Variants in WFDC10B observed in about 807,000 individuals in gnomAD.
The protein encoded by WFDC10B is protein WFDC10B.
In WFDC10B, 1 loss-of-function variant was observed where a neutral mutation model predicts 2.7. That is an observed-to-expected ratio of 0.38 (90% CI 0.13 to 1.79). The LOEUF (loss-of-function observed/expected upper bound fraction) is 1.79, where lower values mean the gene tolerates loss of function less well. Among genes scored for constraint, WFDC10B ranks in the 40% most tolerant of loss-of-function variants. The probability of loss-of-function intolerance (pLI) is 0.33; values close to 1 mark genes in which losing one functional copy is unlikely to be tolerated. For missense variants in WFDC10B, 71 were observed against 87.8 expected, an observed-to-expected ratio of 0.81 and a Z score of 0.76; for synonymous variants, 26 against 32.2, an observed-to-expected ratio of 0.81 and a Z score of 0.65.
At chr20:45,693,724 C>T (rs2073423574) in intron 2 of WFDC10B, among the ~76,000 whole-genome samples, 1 of 152,300 alleles carries the variant, frequency 6.6e-6, no homozygotes, top group East Asian at 1.9e-4. Context: ...TTCCAGGTGC[C>T]GTCTGTCACC....
At chr20:45,689,214 A>G (rs1405236963) in intron 2 of WFDC10B, among the ~76,000 whole-genome samples, 1 of 151,372 alleles carries the variant, frequency 6.6e-6, no homozygotes, top group Non-Finnish European at 1.5e-5. Flanking sequence ...CTGTTTTGGT[A>G]CCAGTACCAT....
At chr20:45,695,422 A>G (rs1416993441) in intron 2 of WFDC10B, among the ~76,000 whole-genome samples, 1 of 152,232 alleles carries the variant, frequency 6.6e-6, no homozygotes, top group Admixed American at 6.5e-5. Context: ...AAACAACACT[A>G]TAAACCTAAG....
At chr20:45,688,872 T>C (rs1366734346) in intron 2 of WFDC10B, among the ~76,000 whole-genome samples, 4 of 152,166 alleles carry the variant, frequency 2.6e-5, no homozygotes, top group African/African-American at 4.8e-5. Context: ...ATTTTGGCTT[T>C]TGTTTCCATT....
chr20:45,704,403 C>G (rs774447836), intron 2 of WFDC10B, 94 bp downstream of exon 2: 18 of 1,586,202 alleles, frequency 1.1e-5, no homozygotes, highest in Non-Finnish European at 1.5e-5. Flanking sequence ...ATTACTCCAG[C>G]CTGTTGGTGA....
chr20:45,693,176 G>C (rs1254921346), intron 2 of WFDC10B, among the ~76,000 whole-genome samples: 5 of 152,162 alleles, frequency 3.3e-5, no homozygotes, highest in Non-Finnish European at 5.9e-5. Flanking sequence ...CTGTCTGATC[G>C]TTCCTCTGGA....
chr20:45,697,619 TGA>T (rs1471184951), intron 2 of WFDC10B, among the ~76,000 whole-genome samples: 1 of 152,114 alleles, frequency 6.6e-6, no homozygotes, highest in African/African-American at 2.4e-5. Context: ...CTCAAAGTGC[TGA>T]GATTATAGGC....
chr20:45,702,857 G>C (rs1322888017), intron 2 of WFDC10B, among the ~76,000 whole-genome samples: 1 of 152,186 alleles, frequency 6.6e-6, no homozygotes, highest in Non-Finnish European at 1.5e-5. Flanking sequence ...GAAAAGAACT[G>C]TTATTCATCA....
Position 45,696,296 on chromosome 20 carries a change from A to C in WFDC10B, c.-65+8201T>G, listed in dbSNP as rs1051204951. Among the ~76,000 whole-genome samples, 12 of 151,622 alleles carry C rather than the reference A, an allele frequency of 7.9e-5. No homozygotes were observed. In the East Asian group the frequency reaches 1.5e-3, roughly 20 times the overall value. On this transcript the variant is annotated intron_variant, in intron 2 of 3. Coordinates refer to ENST00000330523, the MANE Select transcript of WFDC10B (RefSeq NM_172006.2). Reference sequence around the variant, plus strand: ...GCAAGACTCCGTCTCAAAAAAAAAAAAAAAAAAAAAGATCTCAAATCTGCA... The same window carrying C: ...GCAAGACTCCGTCTCAAAAAAAAAACAAAAAAAAAAGATCTCAAATCTGCA...
intron 2 of WFDC10B, among the ~76,000 whole-genome samples, chr20:45,704,256 T>C (rs1984293844): frequency 6.6e-6 from 1 of 152,174 alleles, no homozygotes; most frequent in Admixed American, 6.5e-5. Context: ...AAAATATCCA[T>C]GCCCTGCTTC....
intron 3 of WFDC10B, among the ~76,000 whole-genome samples, chr20:45,685,516 C>A (rs1004362054): frequency 1.3e-5 from 2 of 152,096 alleles, no homozygotes; most frequent in Non-Finnish European, 2.9e-5. Flanking sequence ...CACTTATACC[C>A]ATTTCTACAC....
chr20:45,685,731 G>T (rs982061618), intron 3 of WFDC10B, among the ~76,000 whole-genome samples, 171 bp downstream of exon 3: 33 of 152,210 alleles, frequency 2.2e-4, no homozygotes, highest in Admixed American at 1.4e-3. Context: ...CCAGGGCCAG[G>T]TAAAGGGGTT....
At chr20:45,691,845 T>A (rs1983823324) in intron 2 of WFDC10B, among the ~76,000 whole-genome samples, 1 of 152,232 alleles carries the variant, frequency 6.6e-6, no homozygotes, top group African/African-American at 2.4e-5. Flanking sequence ...CATTTAAAGT[T>A]AGTATTGTTA....
chr20:45,690,790 C>A (rs1275846969), intron 2 of WFDC10B, among the ~76,000 whole-genome samples: 1 of 152,088 alleles, frequency 6.6e-6, no homozygotes, highest in Non-Finnish European at 1.5e-5. Context: ...AAACCAGCTC[C>A]TAGATTCATT....
intron 2 of WFDC10B, among the ~76,000 whole-genome samples, chr20:45,692,603 T>G (rs1016054082): frequency 1.3e-5 from 2 of 152,240 alleles, no homozygotes. Flanking sequence ...ACTGATACCC[T>G]TTCTTCCAGT....
At chr20:45,687,853 C>A (rs6094197) in intron 2 of WFDC10B, among the ~76,000 whole-genome samples, 2 of 141,448 alleles carry the variant, frequency 1.4e-5, no homozygotes, top group Non-Finnish European at 3.1e-5. Flanking sequence ...GATTGCTTGT[C>A]TTTTCTTTTA....
chr20:45,703,448 C>A (rs948312122), intron 2 of WFDC10B, among the ~76,000 whole-genome samples: 1 of 152,142 alleles, frequency 6.6e-6, no homozygotes, highest in African/African-American at 2.4e-5. Flanking sequence ...TCATAATATC[C>A]TATAGATTTC....
chr20:45,703,096 T>C (rs1241798119), intron 2 of WFDC10B, among the ~76,000 whole-genome samples: 3 of 152,170 alleles, frequency 2.0e-5, no homozygotes, highest in African/African-American at 4.8e-5. Context: ...CAAAGAGGCT[T>C]TCTAAAAGAC....
At chr20:45,688,596 T>A (rs372472739) in intron 2 of WFDC10B, among the ~76,000 whole-genome samples, 1 of 152,298 alleles carries the variant, frequency 6.6e-6, no homozygotes, top group East Asian at 1.9e-4. Context: ...TGGCCAGTGA[T>A]GGTGAGCATT....
intron 2 of WFDC10B, among the ~76,000 whole-genome samples, chr20:45,688,431 A>G (rs1306442248): frequency 1.3e-5 from 2 of 151,928 alleles, no homozygotes; most frequent in African/African-American, 4.8e-5. Context: ...CTAGTTCTAG[A>G]TCCCTGAGGA....
Sources: gnomAD v4.1 joint callset for allele counts (sites outside exome capture counted in the v4.1 genomes callset) on GRCh38, gnomAD v4.1.1 for gene constraint, MANE v1.5 for transcripts, NCBI Gene and HGNC (gene_info 2026-07-23, HGNC 2026-07-21) for gene names.